Variants in HEMK2 observed in about 807,000 individuals in gnomAD.
HEMK2 encodes the protein methyltransferase HEMK2.
chr21:28,615,332 T>C, the HEMK2 span, among the ~76,000 whole-genome samples: 1 of 151,894 alleles, frequency 6.6e-6, no homozygotes, highest in African/African-American at 2.4e-5. Flanking sequence ...TCCTTCCCCT[T>C]TTCCCCCTCC....
At chr21:28,795,154 C>G in the HEMK2 span, among the ~76,000 whole-genome samples, 5 of 152,128 alleles carry the variant, frequency 3.3e-5, no homozygotes, top group African/African-American at 1.2e-4. Context: ...TCATTGTTTT[C>G]AAAACAATTA....
the HEMK2 span, among the ~76,000 whole-genome samples, chr21:28,764,055 C>T: frequency 0.43 from 65,914 of 151,838 alleles, 15,650 homozygotes; most frequent in African/African-American, 0.61. Context: ...ACCTACTTAG[C>T]ATCACACTCT....
chr21:28,694,206 G>A, the HEMK2 span, among the ~76,000 whole-genome samples: 10 of 152,078 alleles, frequency 6.6e-5, no homozygotes, highest in South Asian at 2.1e-4. Context: ...CTTACTTTCC[G>A]TTTTCTCTTG....
the HEMK2 span, among the ~76,000 whole-genome samples, chr21:28,671,608 G>C: frequency 6.6e-6 from 1 of 152,154 alleles, no homozygotes; most frequent in Non-Finnish European, 1.5e-5. Context: ...TGGTAGGAGT[G>C]GGGTGGGCAA....
At chr21:28,635,896 G>A in the HEMK2 span, among the ~76,000 whole-genome samples, 1 of 152,180 alleles carries the variant, frequency 6.6e-6, no homozygotes, top group South Asian at 2.1e-4. Flanking sequence ...AAATATGCTT[G>A]AGGAATAGAA....
the HEMK2 span, among the ~76,000 whole-genome samples, chr21:28,724,328 T>C: frequency 6.6e-6 from 1 of 152,228 alleles, no homozygotes; most frequent in South Asian, 2.1e-4. Context: ...ATAAGCTTTA[T>C]ACCATTGCTG....
chr21:28,595,840 A>C, the HEMK2 span, among the ~76,000 whole-genome samples: 9 of 151,922 alleles, frequency 5.9e-5, no homozygotes, highest in African/African-American at 2.2e-4. Context: ...GCTGGAGTGC[A>C]GTGGCGCGAT....
the HEMK2 span, among the ~76,000 whole-genome samples, chr21:28,619,658 ATTGT>A: frequency 1.3e-5 from 2 of 152,312 alleles, no homozygotes; most frequent in Admixed American, 1.3e-4. Flanking sequence ...CTTTAAAAAA[ATTGT>A]TTGGAGAGAC....
At chr21:28,736,805 A>G in the HEMK2 span, among the ~76,000 whole-genome samples, 1 of 152,068 alleles carries the variant, frequency 6.6e-6, no homozygotes, top group African/African-American at 2.4e-5. Context: ...AAAAAAAAAA[A>G]AAGATGAGAC....
At chr21:28,671,109 A>T in the HEMK2 span, 1 of 152,230 alleles carries the variant, frequency 6.6e-6, no homozygotes, top group Non-Finnish European at 1.5e-5. Context: ...GTATGGAACA[A>T]GGAGGGGCAA....
the HEMK2 span, among the ~76,000 whole-genome samples, chr21:28,696,543 T>C: frequency 6.6e-6 from 1 of 152,012 alleles, no homozygotes; most frequent in East Asian, 1.9e-4. Context: ...GGGTTGTCAT[T>C]GAGTTTCTGT....
chr21:28,725,561 C>T, the HEMK2 span, among the ~76,000 whole-genome samples: 2 of 152,166 alleles, frequency 1.3e-5, no homozygotes, highest in East Asian at 3.9e-4. Context: ...CAACAGCTTT[C>T]CAGGGATACC....
chr21:28,833,599 A>G, the HEMK2 span, among the ~76,000 whole-genome samples: 2 of 152,212 alleles, frequency 1.3e-5, no homozygotes, highest in Non-Finnish European at 2.9e-5. Flanking sequence ...TTTTGGCTCT[A>G]CCATTTTGAA....
At chr21:28,611,187 C>CTA in the HEMK2 span, among the ~76,000 whole-genome samples, 1 of 152,036 alleles carries the variant, frequency 6.6e-6, no homozygotes, top group African/African-American at 2.4e-5. Flanking sequence ...AAAATCAAAA[C>CTA]TATAGCAAGT....
the HEMK2 span, among the ~76,000 whole-genome samples, chr21:28,650,338 T>C: frequency 1.3e-5 from 2 of 151,564 alleles, no homozygotes; most frequent in African/African-American, 2.4e-5. Flanking sequence ...GGGGTTGCAG[T>C]GAGCCAAGAT....
chr21:28,806,450 T>G, the HEMK2 span, among the ~76,000 whole-genome samples: 1 of 152,190 alleles, frequency 6.6e-6, no homozygotes, highest in African/African-American at 2.4e-5. Flanking sequence ...AAAAATATGT[T>G]GAAATCCTAA....
chr21:28,748,875 C>T, the HEMK2 span, among the ~76,000 whole-genome samples: 1 of 152,160 alleles, frequency 6.6e-6, no homozygotes, highest in Non-Finnish European at 1.5e-5. Flanking sequence ...ATTCATATTA[C>T]CAAACTCACG....
At chr21:28,655,474 C>A in the HEMK2 span, among the ~76,000 whole-genome samples, 2 of 151,992 alleles carry the variant, frequency 1.3e-5, no homozygotes, top group African/African-American at 4.8e-5. Context: ...ATTTTCTTTT[C>A]CAAATCCATC....
chr21:28,620,655 C>CTTTTTTTTTTTTTT, the HEMK2 span, among the ~76,000 whole-genome samples: 1 of 65,538 alleles, frequency 1.5e-5, no homozygotes, highest in East Asian at 4.8e-4. Flanking sequence ...ATTCTTCTCT[C>CTTTTTTTTTTTTTT]TTTTCTTTTT....
Sources: allele counts gnomAD v4.1 joint callset (sites outside exome capture counted in the v4.1 genomes callset), GRCh38; gene constraint gnomAD v4.1.1; transcripts MANE v1.5; gene names NCBI Gene and HGNC (gene_info 2026-07-23, HGNC 2026-07-21).